The following FRAS1 variants were observed in gnomAD, a reference collection of about 807,000 sequenced individuals.
The protein encoded by FRAS1 is extracellular matrix organizing protein FRAS1.
Under a neutral mutation model 435.2 loss-of-function variants are expected in FRAS1, and 290 were observed. The ratio of observed to expected loss-of-function variants is 0.67; its 90% CI spans 0.61 to 0.73. The LOEUF (loss-of-function observed/expected upper bound fraction) is 0.73. Ranked by LOEUF, FRAS1 falls within the 30% of genes least tolerant of loss-of-function variation. The probability of loss-of-function intolerance (pLI) is 0.00; values close to 1 mark genes in which losing one functional copy is unlikely to be tolerated. For missense variants in FRAS1, 4,860 were observed against 5,001.5 expected, an observed-to-expected ratio of 0.97 and a Z score of 0.85; for synonymous variants, 1,800 against 1,851.0, an observed-to-expected ratio of 0.97 and a Z score of 0.71.
chr4:78,155,915 C>T (rs1464588387), intron 2 of FRAS1, among the ~76,000 whole-genome samples: 1 of 152,036 alleles, frequency 6.6e-6, no homozygotes, highest in Non-Finnish European at 1.5e-5. Context: ...ACATTTCTTT[C>T]CCAAAGCTGT....
intron 2 of FRAS1, among the ~76,000 whole-genome samples, chr4:78,177,288 T>A (rs1021939475): frequency 6.6e-6 from 1 of 152,160 alleles, no homozygotes. Flanking sequence ...TATACTTAAG[T>A]GTTAAAAATT....
intron 14 of FRAS1, among the ~76,000 whole-genome samples, chr4:78,299,074 G>A (rs778132468): frequency 6.6e-6 from 1 of 152,220 alleles, no homozygotes; most frequent in Non-Finnish European, 1.5e-5. Flanking sequence ...TAGGGGCTAA[G>A]GAAGGAGCCA....
chr4:78,344,756 C>T (rs1429753560), intron 20 of FRAS1, among the ~76,000 whole-genome samples: 2 of 152,100 alleles, frequency 1.3e-5, no homozygotes, highest in East Asian at 1.9e-4. Flanking sequence ...TTTAGACTGC[C>T]ACATGTACAT....
At chr4:78,355,025 G>GTGAC (rs1730795422) in intron 20 of FRAS1, among the ~76,000 whole-genome samples, 1 of 152,084 alleles carries the variant, frequency 6.6e-6, no homozygotes, top group South Asian at 2.1e-4. Context: ...CAGCTGCAGG[G>GTGAC]TGACATATTA....
intron 53 of FRAS1, among the ~76,000 whole-genome samples, chr4:78,474,653 G>A (rs78576921): frequency 0.019 from 2,910 of 152,104 alleles, 96 homozygotes; most frequent in African/African-American, 0.066. Flanking sequence ...TGGTATAGAC[G>A]GTCCCAAAGC....
Position 78,470,017 on chromosome 4 carries a change from C to T in FRAS1, c.7297C>T (p.Leu2433Phe), listed in dbSNP as rs753235207. Residue 2433 changes from leucine (L) to phenylalanine (F), a missense_variant, in exon 51 of 74, where the codon CTC (leucine) becomes TTC (phenylalanine). Physicochemically the swap from Leu to Phe is conservative, Grantham distance 22 (BLOSUM62 0). Transcript: ENST00000512123. ...ACCTCAGCCGTTCCGAGTAGACATC[C>T]TCCCGGTAGATGATGGCACGCCTAG... ...AAPQPFRVDI[L>F]PVDDGTPRIV... is the part of the protein sequence containing the mutation. 1.9e-6 allele frequency: 3 copies of T among 1,613,764 alleles called. No homozygotes were observed. The South Asian group carries it at 3.3e-5, about 18-fold the overall frequency.
At chr4:78,303,311 T>C (rs964675854) in intron 14 of FRAS1, among the ~76,000 whole-genome samples, 14 of 152,200 alleles carry the variant, frequency 9.2e-5, no homozygotes, top group Non-Finnish European at 1.3e-4. Flanking sequence ...AGCTTTGTTC[T>C]TTTGGCTGAG....
At chr4:78,069,897 G>C (rs565362279) in intron 2 of FRAS1, among the ~76,000 whole-genome samples, 1 of 152,056 alleles carries the variant, frequency 6.6e-6, no homozygotes, top group Non-Finnish European at 1.5e-5. Flanking sequence ...GTTCAAACCT[G>C]GTTCTTATTC....
At chr4:78,088,132 C>A (rs1002755906) in intron 2 of FRAS1, among the ~76,000 whole-genome samples, 1 of 152,094 alleles carries the variant, frequency 6.6e-6, no homozygotes, top group African/African-American at 2.4e-5. Flanking sequence ...TGCATATCTA[C>A]AACTATCTGA....
intron 4 of FRAS1, among the ~76,000 whole-genome samples, chr4:78,251,502 A>G (rs180982844): frequency 9.4e-4 from 143 of 152,320 alleles, no homozygotes; most frequent in Admixed American, 1.6e-3. Flanking sequence ...ATCACCCCCC[A>G]TGCTGTACCT....
intron 59 of FRAS1, among the ~76,000 whole-genome samples, chr4:78,491,568 T>C (rs1720354042): frequency 6.6e-6 from 1 of 152,146 alleles, no homozygotes; most frequent in African/African-American, 2.4e-5. Flanking sequence ...GATTATCTAA[T>C]AGATGCAGAA....
At chr4:78,175,543 G>A (rs1425300425) in intron 2 of FRAS1, among the ~76,000 whole-genome samples, 1 of 152,150 alleles carries the variant, frequency 6.6e-6, no homozygotes, top group Non-Finnish European at 1.5e-5. Flanking sequence ...CAGAGGTGAG[G>A]GCAGGGCATT....
rs1734263076 is a variant in FRAS1 at position 78,432,661 on chromosome 4, G to A, written c.5217+57G>A. ...CACCGCCGCATCTTCTGATGGGGCA[G>A]ACTGGGCAGCAATGCCATGGCTGAA... On this transcript the variant is annotated intron_variant, in intron 38 of 73. Transcript: ENST00000512123. The A allele has an allele frequency of 4.7e-6, 7 of 1,503,414 alleles. No individual in the cohort carries two copies. The East Asian group carries it at 1.6e-4, about 34-fold the overall frequency. 93.1% of individuals were successfully genotyped at this position (1,503,414 alleles called of 1,614,324 possible). A position where few individuals can be genotyped will look rare whatever the true frequency, so the allele number is the denominator to read the frequency against.
chr4:78,182,300 A>G (rs1420705567), intron 2 of FRAS1, among the ~76,000 whole-genome samples: 1 of 152,204 alleles, frequency 6.6e-6, no homozygotes. Flanking sequence ...TGCAGTGGAA[A>G]TGTACACGGG....
At chr4:78,095,732 C>T (rs949046392) in intron 2 of FRAS1, among the ~76,000 whole-genome samples, 2 of 152,212 alleles carry the variant, frequency 1.3e-5, no homozygotes, top group African/African-American at 2.4e-5. Context: ...GACTTATTCA[C>T]TATCACAAGA....
At chr4:78,153,668 A>G (rs1720767386) in intron 2 of FRAS1, among the ~76,000 whole-genome samples, 1 of 152,198 alleles carries the variant, frequency 6.6e-6, no homozygotes, top group African/African-American at 2.4e-5. Context: ...TAAAAATAGT[A>G]GAAAGGCAGA....
At chr4:78,087,197 A>AATCTC (rs1741226765) in intron 2 of FRAS1, among the ~76,000 whole-genome samples, 1 of 152,260 alleles carries the variant, frequency 6.6e-6, no homozygotes, top group Non-Finnish European at 1.5e-5. Flanking sequence ...CAATAGATGC[A>AATCTC]AAGAAGACCT....
rs765144262 is a variant in FRAS1 at position 78,317,433 on chromosome 4, C to T, written c.1885C>T (p.Pro629Ser). ...CTCTCACTGTACAGCCTGCAGCCCCCCCAAGGCTCTGCGTCAAGGCCACTG... is the reference window on the plus strand; with the variant it reads ...CTCTCACTGTACAGCCTGCAGCCCCTCCAAGGCTCTGCGTCAAGGCCACTG... ...TPSHCTACSPPKALRQGHCLP... is the reference protein window; with the variant it reads ...TPSHCTACSPSKALRQGHCLP... The change falls in exon 17 of 74, where the codon CCC becomes TCC. Residue 629 changes from proline to serine, a missense_variant. Physicochemically the swap from Pro to Ser is moderately conservative, Grantham distance 74. Coordinates refer to ENST00000512123, the MANE Select transcript of FRAS1 (RefSeq NM_025074.7). 4.4e-5 allele frequency: 71 copies of T among 1,613,826 alleles called. No homozygotes were observed. The highest frequency in any genetic ancestry group is 1.9e-4 in the African/African-American group (14 of 74,918).
rs371818588 is a variant in FRAS1, at chr4:78,264,309, A to G, written c.604-716A>G. ...GTGGCAGAGGTGAGAATGTAGGGAC[A>G]TAGAGTAGCTGGGAAAGGGTTCTTT... On this transcript the variant is annotated intron_variant, in intron 6 of 73. Transcript: ENST00000512123. 5.9e-5 allele frequency among the ~76,000 whole-genome samples: 9 copies of G among 152,332 alleles called. No individual in the cohort carries two copies. The South Asian group carries it at 6.2e-4, about 11-fold the overall frequency.
Sources: allele counts gnomAD v4.1 joint callset (sites outside exome capture counted in the v4.1 genomes callset), GRCh38; gene constraint gnomAD v4.1.1; transcripts MANE v1.5; gene names NCBI Gene and HGNC (gene_info 2026-07-23, HGNC 2026-07-21).